TNPO1: variants seen among roughly 807,000 people sequenced by gnomAD.
The protein encoded by TNPO1 is transportin-1.
TNPO1 carries 8 observed loss-of-function variants against 119.5 expected under a neutral mutation model. That is an observed-to-expected ratio of 0.07 (90% CI 0.04 to 0.12). The LOEUF is 0.12. Ranked by LOEUF, TNPO1 falls within the 10% of genes least tolerant of loss-of-function variation. The pLI is 1.00. For synonymous variants in TNPO1, 362 were observed against 363.0 expected (o/e 1.00, Z 0.03); for missense variants, 576 against 1,089.8 (o/e 0.53, Z 6.64).
rs1013257859 is a variant in TNPO1 at position 72,858,214 on chromosome 5, G to C, written c.355+2291G>C. 1.3e-5 allele frequency among the ~76,000 whole-genome samples: 2 copies of C among 149,638 alleles called. 1 individual carries two copies. The highest frequency in any genetic ancestry group is 4.3e-4 in the South Asian group (2 of 4,628). On this transcript the variant is annotated intron_variant, in intron 4 of 24. Coordinates refer to ENST00000337273, the MANE Select transcript of TNPO1 (RefSeq NM_002270.4). ...ATAAAAAAGCAATTAGGAATGTGAA[G>C]GTGGTTGTGGGTAGAAGTATGGATG...
chr5:72,829,637 G>A (rs1705245617), intron 1 of TNPO1, among the ~76,000 whole-genome samples: 2 of 152,174 alleles, frequency 1.3e-5, no homozygotes, highest in Non-Finnish European at 2.9e-5. Flanking sequence ...GTTTATAGGT[G>A]TCTAAATGTT....
At position 72,903,653 on chromosome 5, in the gene TNPO1, T is replaced by C. The variant is rs1749943003; in HGVS notation, c.2515-56T>C. ...AAACTCTGAGGTTTACATATATCTT[T>C]TGCTGAGTTTGACAAATACAATATC... On this transcript the variant is annotated intron_variant, in intron 22 of 24. Coordinates refer to ENST00000337273, the MANE Select transcript of TNPO1 (RefSeq NM_002270.4). 1.4e-5 allele frequency: 17 copies of C among 1,180,586 alleles called. No individual in the cohort carries two copies. The South Asian group carries it at 2.2e-4, about 15-fold the overall frequency. 73.1% of individuals were successfully genotyped at this position (1,180,586 alleles called of 1,614,324 possible).
chr5:72,909,157 A>T lies in TNPO1; in HGVS notation c.*484A>T, dbSNP rs1157192186. 1.3e-5 allele frequency: 2 copies of T among 154,876 alleles called. No individual in the cohort carries two copies. The highest frequency in any genetic ancestry group is 3.8e-4 in the East Asian group (2 of 5,264). 9.6% of individuals were successfully genotyped at this position (154,876 alleles called of 1,614,324 possible). A position where few individuals can be genotyped will look rare whatever the true frequency, so the allele number is the denominator to read the frequency against. ...TTTTAATTTAAAGTTTTTTTATGTA[A>T]GTTTTCCCACATGATGGGGCCTTGT... On this transcript the variant is annotated 3_prime_UTR_variant, in exon 25 of 25. Transcript: ENST00000337273.
At chr5:72,893,860 A>G (rs953486038) in intron 18 of TNPO1, among the ~76,000 whole-genome samples, 157 bp downstream of exon 18, 3 of 152,256 alleles carry the variant, frequency 2.0e-5, no homozygotes, top group African/African-American at 7.2e-5. Flanking sequence ...TGAAACAGGC[A>G]AGATGGCAGG....
intron 2 of TNPO1, among the ~76,000 whole-genome samples, chr5:72,850,950 G>T (rs1413873010): frequency 2.0e-5 from 3 of 152,040 alleles, no homozygotes; most frequent in South Asian, 4.1e-4. Context: ...TGAAATCCAA[G>T]AATTTTTTTG....
chr5:72,906,377 C>T (rs1481249724), intron 24 of TNPO1, among the ~76,000 whole-genome samples: 6 of 129,650 alleles, frequency 4.6e-5, no homozygotes, highest in East Asian at 2.7e-4. Flanking sequence ...CTGTAATCTC[C>T]GCCTCTTGGG....
rs1746680802 is a variant in TNPO1, at chr5:72,863,960, G to T, written c.463-1636G>T. Among the ~76,000 whole-genome samples the T allele has an allele frequency of 2.0e-5, 3 of 152,064 alleles. 1 individual carries two copies. In the South Asian group the frequency reaches 6.2e-4, roughly 31 times the overall value. The stretch of plus-strand genomic sequence containing the variant: ...AATTGTTGAGCTAGTGTACTACATA[G>T]AAGTCATACTGTAAATAAACAATAT... On this transcript the variant is annotated intron_variant, in intron 5 of 24. Coordinates refer to ENST00000337273, the MANE Select transcript of TNPO1 (RefSeq NM_002270.4).
chr5:72,891,460 G>A (rs766952236), intron 14 of TNPO1, among the ~76,000 whole-genome samples: 2 of 151,938 alleles, frequency 1.3e-5, no homozygotes, highest in African/African-American at 2.4e-5. Context: ...GCAAGACTCC[G>A]TCTCAAAAAA....
chr5:72,839,288 G>T (rs1412631094), intron 1 of TNPO1, among the ~76,000 whole-genome samples: 1 of 152,112 alleles, frequency 6.6e-6, no homozygotes, highest in African/African-American at 2.4e-5. Context: ...TTTTATGAAT[G>T]ACTTAATATT....
rs908819462 is a variant in TNPO1, at chr5:72,911,644, T to C, written c.*2971T>C. 1 of 152,554 alleles carries C rather than the reference T, an allele frequency of 6.6e-6. No homozygotes were observed. The allele number at this position is 152,554 out of a possible 1,614,324, so 9.5% of individuals were successfully genotyped here. On this transcript the variant is annotated 3_prime_UTR_variant, in exon 25 of 25. Coordinates refer to ENST00000337273, the MANE Select transcript of TNPO1 (RefSeq NM_002270.4). ...ACTGAATGTCTATAAAATTGTGAGT[T>C]TGTCTTTGTTACATTCCAGTGTTTC...
chr5:72,866,410 A>G (rs183158080), intron 6 of TNPO1, among the ~76,000 whole-genome samples: 50 of 152,320 alleles, frequency 3.3e-4, no homozygotes, highest in African/African-American at 1.2e-3. Context: ...TAACTAAGAT[A>G]ATGAAAATGT....
At chr5:72,829,312 T>G (rs1744342520) in intron 1 of TNPO1, among the ~76,000 whole-genome samples, 1 of 152,224 alleles carries the variant, frequency 6.6e-6, no homozygotes, top group Non-Finnish European at 1.5e-5. Flanking sequence ...AGACTTCCGT[T>G]GGATAGAAGC....
chr5:72,834,711 G>T (rs1349899774), intron 1 of TNPO1, among the ~76,000 whole-genome samples: 1 of 152,118 alleles, frequency 6.6e-6, no homozygotes, highest in Non-Finnish European at 1.5e-5. Context: ...ATTGAAGAAA[G>T]AAATTGTTGT....
intron 22 of TNPO1, 31 bp from the exon 23 acceptor site, chr5:72,903,678 C>G (rs1176233488): frequency 6.8e-7 from 1 of 1,472,120 alleles, no homozygotes; most frequent in Non-Finnish European, 9.4e-7. Context: ...AATACAATAT[C>G]AACCTAAGAT....
At chr5:72,876,860 C>T (rs972076643) in intron 8 of TNPO1, among the ~76,000 whole-genome samples, 4 of 151,866 alleles carry the variant, frequency 2.6e-5, no homozygotes, top group African/African-American at 7.3e-5. Context: ...TTTGGGAGGC[C>T]GAGGTGGGCA....
In TNPO1 at chr5:72,861,921, A is replaced by G. The variant is rs373444861; in HGVS notation, c.462+7A>G. On this transcript the variant is annotated splice_region_variant and intron_variant, in intron 5 of 24. Coordinates refer to ENST00000337273, the MANE Select transcript of TNPO1 (RefSeq NM_002270.4). ...AGATTATAATACCTGTGAGGTAAGG[A>G]TATTTGTTTCATACATAATTGGGTG... 580 of 1,596,894 alleles carry G rather than the reference A, an allele frequency of 3.6e-4. 1 individual carries two copies. Among genetic ancestry groups the G allele is most frequent in the Non-Finnish European group, 5.7e-5 (66 of 1,164,682 alleles).
chr5:72,838,011 A>G (rs926474211), intron 1 of TNPO1, among the ~76,000 whole-genome samples: 1 of 152,154 alleles, frequency 6.6e-6, no homozygotes, highest in African/African-American at 2.4e-5. Flanking sequence ...TCTGACTAAT[A>G]TATGCCCCTG....
rs144903373 is a variant in TNPO1, at chr5:72,861,755, A to G, written c.356-53A>G. 4.0e-4 allele frequency: 517 copies of G among 1,277,354 alleles called. 4 individuals are homozygous for G. The African/African-American group carries it at 6.8e-3, about 17-fold the overall frequency. 79.1% of individuals were successfully genotyped at this position (1,277,354 alleles called of 1,614,324 possible). On this transcript the variant is annotated intron_variant, in intron 4 of 24. Transcript: ENST00000337273. The stretch of plus-strand genomic sequence containing the variant: ...TTGTGCACACAGTTGCTCACATGGC[A>G]ATGCCTGACATAATGCTGTTGGATT...
At chr5:72,849,981 A>G (rs773001914) in intron 2 of TNPO1, among the ~76,000 whole-genome samples, 1 of 152,158 alleles carries the variant, frequency 6.6e-6, no homozygotes, top group Non-Finnish European at 1.5e-5. Context: ...AATGCTTAGT[A>G]CCGTGCTTGG....
Sources: allele counts gnomAD v4.1 joint callset (sites outside exome capture counted in the v4.1 genomes callset), GRCh38; gene constraint gnomAD v4.1.1; transcripts MANE v1.5; gene names NCBI Gene and HGNC (gene_info 2026-07-23, HGNC 2026-07-21).